Variants in SIPA1L1 observed in about 807,000 individuals in gnomAD.
SIPA1L1 encodes the protein signal-induced proliferation-associated 1-like protein 1.
A neutral mutation model predicts 162.7 loss-of-function variants in SIPA1L1; 26 were observed. That is an observed-to-expected ratio of 0.16 (90% CI 0.12 to 0.22). SIPA1L1 has a LOEUF of 0.22. SIPA1L1 is among the 10% of genes least tolerant of loss of function. SIPA1L1 has a pLI of 1.00. For synonymous variants in SIPA1L1, 829 were observed against 837.4 expected, an observed-to-expected ratio of 0.99 and a Z score of 0.17; for missense variants, 1,874 against 2,241.0, an observed-to-expected ratio of 0.84 and a Z score of 3.31.
In SIPA1L1 at chr14:71,419,480, C is replaced by CTTTTTT. The variant is rs779874892; in HGVS notation, c.-464-93240_-464-93235dup. 1.3e-4 allele frequency among the ~76,000 whole-genome samples: 11 copies of CTTTTTT among 85,248 alleles called. 1 individual carries two copies. Among genetic ancestry groups the CTTTTTT allele is most frequent in the African/African-American group, 4.3e-4 (9 of 20,782 alleles). The allele number at this position is 85,248 out of a possible 152,430, so 55.9% of individuals were successfully genotyped here. On this transcript the variant is annotated intron_variant, in intron 2 of 23. Transcript: ENST00000381232. ...TTTGAAAGGCTCAAGGAGGATCTCTCTTTTTTTTTTTTTTTTTTTTTTTTT... is the reference window on the plus strand; with the variant it reads ...TTTGAAAGGCTCAAGGAGGATCTCTCTTTTTTTTTTTTTTTTTTTTTTTTTTTTTTT...
chr14:71,408,427 C>G (rs933029499), intron 2 of SIPA1L1, among the ~76,000 whole-genome samples: 11 of 152,156 alleles, frequency 7.2e-5, no homozygotes, highest in Admixed American at 5.9e-4. Flanking sequence ...TGCTGGTCTT[C>G]TGTCTCCTGT....
intron 2 of SIPA1L1, among the ~76,000 whole-genome samples, chr14:71,374,862 A>G (rs959290150): frequency 4.6e-5 from 7 of 152,014 alleles, no homozygotes; most frequent in African/African-American, 1.2e-4. Flanking sequence ...CATCCTCTCA[A>G]TGATAATTTT....
At chr14:71,653,022 T>C (rs1274606681) in intron 8 of SIPA1L1, among the ~76,000 whole-genome samples, 3 of 152,188 alleles carry the variant, frequency 2.0e-5, no homozygotes, top group Non-Finnish European at 4.4e-5. Context: ...ATATTGTAAA[T>C]GTTTCATTGT....
intron 2 of SIPA1L1, among the ~76,000 whole-genome samples, chr14:71,381,275 A>G (rs1478114978): frequency 2.0e-5 from 3 of 151,982 alleles, no homozygotes; most frequent in African/African-American, 4.8e-5. Flanking sequence ...GATGGTCTCA[A>G]TCTCCTGACC....
chr14:71,702,387 A>C lies in SIPA1L1; in HGVS notation c.3528A>C (p.Gly1176=), dbSNP rs773443025. The change falls in exon 15 of 24, where the codon GGA becomes GGC. Residue 1176 remains glycine (G), a synonymous_variant. Coordinates refer to ENST00000381232, the MANE Select transcript of SIPA1L1 (RefSeq NM_001386936.1). Reference sequence around the variant, plus strand: ...TTTGCGGAAATCACCACAGGTTTGGAGTGAGCCGTAGATCCCCAGCCTCCA... The same window carrying C: ...TTTGCGGAAATCACCACAGGTTTGGCGTGAGCCGTAGATCCCCAGCCTCCA... ...YRQKSMPEGF[G]VSRRSPASID... 1.2e-6 allele frequency: 2 copies of C among 1,613,926 alleles called. No homozygotes were observed. The highest frequency in any genetic ancestry group is 2.7e-5 in the African/African-American group (2 of 74,916).
chr14:71,675,868 G>A lies in SIPA1L1; in HGVS notation c.3104+3246G>A, dbSNP rs546393688. On this transcript the variant is annotated intron_variant, in intron 12 of 23. Transcript: ENST00000381232. Reference sequence around the variant, plus strand: ...ACTGTATGTAATACAAACACCCCCAGGATCTAATACAAACACAAATGGATT... The same window carrying A: ...ACTGTATGTAATACAAACACCCCCAAGATCTAATACAAACACAAATGGATT... 2.0e-5 allele frequency among the ~76,000 whole-genome samples: 3 copies of A among 152,192 alleles called. No individual in the cohort carries two copies. In the East Asian group the frequency reaches 5.8e-4, roughly 29 times the overall value.
At chr14:71,675,017 G>A (rs888057782) in intron 12 of SIPA1L1, among the ~76,000 whole-genome samples, 2 of 152,230 alleles carry the variant, frequency 1.3e-5, no homozygotes, top group African/African-American at 4.8e-5. Flanking sequence ...AATCAGCAGT[G>A]ATGTGCTGGT....
chr14:71,411,558 T>C lies in SIPA1L1; in HGVS notation c.-465+90377T>C, dbSNP rs80249515. Among the ~76,000 whole-genome samples, 1,991 of 152,292 alleles carry C rather than the reference T, an allele frequency of 0.013. 153 individuals carry two copies. The East Asian group carries it at 0.22, about 17-fold the overall frequency. ...GGGCACCTTGAATCTAGAACTTATGTTAGCCTCTTCTACTCCGTTTCAGCT... is the reference window on the plus strand; with the variant it reads ...GGGCACCTTGAATCTAGAACTTATGCTAGCCTCTTCTACTCCGTTTCAGCT... On this transcript the variant is annotated intron_variant, in intron 2 of 23. Coordinates refer to ENST00000381232, the MANE Select transcript of SIPA1L1 (RefSeq NM_001386936.1).
intron 5 of SIPA1L1, chr14:71,598,257 C>T: frequency 1.0e-6 from 1 of 981,236 alleles, no homozygotes; most frequent in Non-Finnish European, 1.2e-6. Flanking sequence ...CTGGACACAA[C>T]TGATGGAAGC....
chr14:71,708,945 C>A (rs2082672500), intron 16 of SIPA1L1, among the ~76,000 whole-genome samples: 2 of 151,770 alleles, frequency 1.3e-5, no homozygotes, highest in African/African-American at 4.8e-5. Context: ...AAATTTCTTC[C>A]TGACTAAAAT....
At chr14:71,534,418 T>C (rs1369337064) in intron 4 of SIPA1L1, among the ~76,000 whole-genome samples, 1 of 152,230 alleles carries the variant, frequency 6.6e-6, no homozygotes, top group East Asian at 1.9e-4. Context: ...GGTGCAGTGC[T>C]GTAAGACCTC....
intron 12 of SIPA1L1, among the ~76,000 whole-genome samples, chr14:71,679,492 A>G (rs1482898393): frequency 2.6e-5 from 4 of 152,258 alleles, no homozygotes; most frequent in Non-Finnish European, 4.4e-5. Context: ...GCCAAATTGT[A>G]CAGACCATTG....
intron 9 of SIPA1L1, 106 bp from the exon 10 acceptor site, chr14:71,661,204 G>A: frequency 8.6e-7 from 1 of 1,163,676 alleles, no homozygotes; most frequent in Non-Finnish European, 1.2e-6. Flanking sequence ...ACCTTCATGT[G>A]TACTGATTAG....
At chr14:71,463,095 A>G (rs941686581) in intron 2 of SIPA1L1, among the ~76,000 whole-genome samples, 1 of 152,164 alleles carries the variant, frequency 6.6e-6, no homozygotes, top group African/African-American at 2.4e-5. Context: ...GCGCAGGCCA[A>G]ATGGGATCAC....
intron 2 of SIPA1L1, among the ~76,000 whole-genome samples, chr14:71,343,198 CACAATAATCCA>C (rs974233415): frequency 1.3e-4 from 20 of 152,192 alleles, no homozygotes; most frequent in African/African-American, 4.6e-4. Flanking sequence ...GTCCTATAAC[CACAATAATCCA>C]ACAGTATTGA....
chr14:71,598,697 A>C (rs1397845599), intron 5 of SIPA1L1, among the ~76,000 whole-genome samples: 1 of 152,056 alleles, frequency 6.6e-6, no homozygotes, highest in South Asian at 2.1e-4. Flanking sequence ...ACACTGGTGA[A>C]ATTCGAATAA....
At chr14:71,725,478 A>G (rs538953311) in intron 19 of SIPA1L1, among the ~76,000 whole-genome samples, 31 of 152,132 alleles carry the variant, frequency 2.0e-4, no homozygotes, top group Non-Finnish European at 4.1e-4. Context: ...CAGACTGTAA[A>G]TGTCTTCTCT....
At chr14:71,684,149 T>A (rs2046056976) in intron 12 of SIPA1L1, among the ~76,000 whole-genome samples, 1 of 152,046 alleles carries the variant, frequency 6.6e-6, no homozygotes, top group Admixed American at 6.5e-5. Context: ...TATGACTGAG[T>A]CAAGTAAGGA....
intron 2 of SIPA1L1, among the ~76,000 whole-genome samples, chr14:71,347,158 A>C (rs1468518354): frequency 6.6e-6 from 1 of 150,976 alleles, no homozygotes; most frequent in African/African-American, 2.4e-5. Context: ...ATGGGGTATC[A>C]CCGCGTTGGC....
Sources: gnomAD v4.1 joint callset for allele counts (sites outside exome capture counted in the v4.1 genomes callset) on GRCh38, gnomAD v4.1.1 for gene constraint, MANE v1.5 for transcripts, NCBI Gene and HGNC (gene_info 2026-07-23, HGNC 2026-07-21) for gene names.